TMPO: variants seen among roughly 807,000 people sequenced by gnomAD.
TMPO encodes LEM domain containing 4.
A neutral mutation model predicts 45.4 loss-of-function variants in TMPO; 22 were observed. The observed-to-expected ratio is 0.48, with a 90% CI of 0.35 to 0.69. The LOEUF (loss-of-function observed/expected upper bound fraction) is 0.69, where lower values mean the gene tolerates loss of function less well. TMPO is among the 30% of genes least tolerant of loss of function. The pLI is 0.01. For missense variants in TMPO, 512 were observed against 548.8 expected, an observed-to-expected ratio of 0.93 and a Z score of 0.67; for synonymous variants, 241 against 204.1, an observed-to-expected ratio of 1.18 and a Z score of -1.54.
In TMPO at chr12:98,516,035, C is replaced by T; in HGVS notation, c.168C>T (p.Gly56=). 1.9e-6 allele frequency: 3 copies of T among 1,611,614 alleles called. No homozygotes were observed. The highest frequency in any genetic ancestry group is 2.5e-6 in the Non-Finnish European group (3 of 1,179,568). ...TARNRPPLPA[G]TNSKGPPDFS... ...GCAACCGGCCGCCGCTCCCCGCCGG[C>T]ACCAACAGCAAGGGGCCCCCGGACT... is the stretch of plus-strand genomic sequence containing the variant. Residue 56 remains glycine (G), a synonymous_variant, in exon 1 of 9, where the codon GGC becomes GGT. Coordinates refer to ENST00000556029, the MANE Select transcript of TMPO (RefSeq NM_001032283.3).
At chr12:98,521,170 T>C (rs1246737865) in intron 1 of TMPO, among the ~76,000 whole-genome samples, 1 of 142,616 alleles carries the variant, frequency 7.0e-6, no homozygotes, top group East Asian at 2.2e-4. Context: ...TGCAGTGGCG[T>C]GATCTCCACT....
chr12:98,533,099 A>T (rs907743542), intron 3 of TMPO: 2 of 1,614,002 alleles, frequency 1.2e-6, no homozygotes, highest in Non-Finnish European at 8.5e-7. Context: ...ATTTCATGCA[A>T]GTCTAGCCAT....
chr12:98,515,695 C>T lies in TMPO; in HGVS notation c.-173C>T, dbSNP rs1373345388. On this transcript the variant is annotated 5_prime_UTR_variant, in exon 1 of 9. Transcript: ENST00000556029. ...AGTTCGGCTCTGGGGTCTTTTGTGT[C>T]CGGGTCTGGCTTGGCTTTGTGTCCG... 1 of 1,404,286 alleles carries T rather than the reference C, an allele frequency of 7.1e-7. No individual in the cohort carries two copies. The highest frequency in any genetic ancestry group is 1.4e-5 in the African/African-American group (1 of 69,310). 87.0% of individuals were successfully genotyped at this position (1,404,286 alleles called of 1,614,324 possible).
rs1877473337 is a variant in TMPO, at chr12:98,534,833, C to G, written c.566-2642C>G. ...TTTTTGCTCATATTTTCTTACTTTTCTTTGTTATTTATTCATGTCTGCAAC... is the reference window on the plus strand; with the variant it reads ...TTTTTGCTCATATTTTCTTACTTTTGTTTGTTATTTATTCATGTCTGCAAC... On this transcript the variant is annotated intron_variant, in intron 3 of 8. Transcript: ENST00000556029. 4 of 1,002,848 alleles carry G rather than the reference C, an allele frequency of 4.0e-6. No individual in the cohort carries two copies. The African/African-American group carries it at 7.0e-5, about 18-fold the overall frequency. 62.1% of individuals were successfully genotyped at this position (1,002,848 alleles called of 1,614,324 possible). A position where few individuals can be genotyped will look rare whatever the true frequency, so the allele number is the denominator to read the frequency against.
At chr12:98,537,354 C>T (rs1462852259) in intron 3 of TMPO, 121 bp from the exon 4 acceptor site, 3 of 742,666 alleles carry the variant, frequency 4.0e-6, no homozygotes, top group African/African-American at 3.5e-5. Context: ...GAGGTATTAC[C>T]AGTAGACTTG....
At chr12:98,545,738 CTT>C (rs796569361) in intron 7 of TMPO, among the ~76,000 whole-genome samples, 2 of 146,536 alleles carry the variant, frequency 1.4e-5, no homozygotes. Context: ...AAACAGTATA[CTT>C]TTTTTTTTTT....
chr12:98,518,158 A>G (rs1482110515), intron 1 of TMPO, among the ~76,000 whole-genome samples: 1 of 152,170 alleles, frequency 6.6e-6, no homozygotes, highest in East Asian at 1.9e-4. Context: ...AAAAAAAAAA[A>G]AAAAAAAGTT....
rs756313059 is a variant in TMPO, at chr12:98,537,023, T to A, written c.566-452T>A. Among the ~76,000 whole-genome samples the A allele has an allele frequency of 4.6e-5, 7 of 152,342 alleles. No individual in the cohort carries two copies. In the South Asian group the frequency reaches 6.2e-4, roughly 14 times the overall value. ...ATATGGATTTTTTTCATTTTTAAAC[T>A]TTCCCTTCTATGTTCCAAATTTTAA... On this transcript the variant is annotated intron_variant, in intron 3 of 8. Transcript: ENST00000556029.
chr12:98,520,741 C>T (rs977429317), intron 1 of TMPO, among the ~76,000 whole-genome samples: 1 of 151,614 alleles, frequency 6.6e-6, no homozygotes, highest in African/African-American at 2.4e-5. Flanking sequence ...CCCGCCACCA[C>T]GCCTGGCTAA....
chr12:98,534,563 T>C, intron 3 of TMPO: 1 of 1,335,306 alleles, frequency 7.5e-7, no homozygotes, highest in Non-Finnish European at 9.6e-7. Context: ...ATTTAACGCT[T>C]TCTAGATCAC....
chr12:98,537,619 T>C (rs1877651453), intron 4 of TMPO, 47 bp downstream of exon 4: 1 of 1,372,842 alleles, frequency 7.3e-7, no homozygotes, highest in African/African-American at 1.4e-5. Flanking sequence ...AATAACCTCC[T>C]GACAACACTA....
In TMPO at chr12:98,516,154, C is replaced by T; in HGVS notation, c.279+8C>T. ...CGAGCAGCCGTCGGCAGGGTAAGGACGCGGGGCCGGGGCTACAAAGGCGGG... is the reference window on the plus strand; with the variant it reads ...CGAGCAGCCGTCGGCAGGGTAAGGATGCGGGGCCGGGGCTACAAAGGCGGG... On this transcript the variant is annotated splice_region_variant and intron_variant, in intron 1 of 8. Transcript: ENST00000556029. 1 of 1,399,040 alleles carries T rather than the reference C, an allele frequency of 7.1e-7. No individual in the cohort carries two copies. The highest frequency in any genetic ancestry group is 1.6e-5 in the South Asian group (1 of 63,398). The allele number at this position is 1,399,040 out of a possible 1,614,324, so 86.7% of individuals were successfully genotyped here. A position where few individuals can be genotyped will look rare whatever the true frequency, so the allele number is the denominator to read the frequency against.
At chr12:98,519,042 C>T (rs1241194428) in intron 1 of TMPO, among the ~76,000 whole-genome samples, 2 of 151,934 alleles carry the variant, frequency 1.3e-5, no homozygotes, top group Non-Finnish European at 2.9e-5. Flanking sequence ...CCACCACCCC[C>T]CAGCTAATTT....
Position 98,534,342 on chromosome 12 carries a change from G to A in TMPO, c.565+2504G>A, listed in dbSNP as rs145677259. 1.1e-4 allele frequency: 181 copies of A among 1,611,378 alleles called. No homozygotes were observed. Among genetic ancestry groups the A allele is most frequent in the Non-Finnish European group, 1.5e-4 (179 of 1,179,800 alleles). On this transcript the variant is annotated intron_variant, in intron 3 of 8. Coordinates refer to ENST00000556029, the MANE Select transcript of TMPO (RefSeq NM_001032283.3). ...TTAAAAAGCGTGGAAATAAACACTA[G>A]TAAAATTAAGGACAAAAAGACATCT...
chr12:98,535,755 AGTG>A, intron 3 of TMPO: 1 of 721,192 alleles, frequency 1.4e-6, no homozygotes, highest in Non-Finnish European at 1.7e-6. Flanking sequence ...TTGACATTTC[AGTG>A]GTATAATTGA....
In TMPO at chr12:98,547,097, A is replaced by G. The variant is rs144945836; in HGVS notation, c.1080-476A>G. On this transcript the variant is annotated intron_variant, in intron 8 of 8. Transcript: ENST00000556029. ...ATCGAACTTTTTTTTTTTTTTTGAG[A>G]CGGAGTTTTGCTCTGTTGCCCAGGC... Among the ~76,000 whole-genome samples, 8 of 133,670 alleles carry G rather than the reference A, an allele frequency of 6.0e-5. No homozygotes were observed. In the East Asian group the frequency reaches 1.6e-3, roughly 27 times the overall value. 87.7% of individuals were successfully genotyped at this position (133,670 alleles called of 152,430 possible). A position where few individuals can be genotyped will look rare whatever the true frequency, so the allele number is the denominator to read the frequency against.
In TMPO at chr12:98,549,437, C is replaced by T. The variant is rs1461152416; in HGVS notation, c.*1579C>T. ...TCAGCTTCCCAAAGTGCTGGGATTA[C>T]AGGTGTGATCCACTGCACCCGGCCG... On this transcript the variant is annotated 3_prime_UTR_variant, in exon 9 of 9. Coordinates refer to ENST00000556029, the MANE Select transcript of TMPO (RefSeq NM_001032283.3). 3 of 113,536 alleles carry T rather than the reference C, an allele frequency of 2.6e-5. No homozygotes were observed. The highest frequency in any genetic ancestry group is 8.6e-5 in the Admixed American group (1 of 11,578). The allele number at this position is 113,536 out of a possible 1,614,324, so 7.0% of individuals were successfully genotyped here. A position where few individuals can be genotyped will look rare whatever the true frequency, so the allele number is the denominator to read the frequency against.
rs1283860413 is a variant in TMPO, at chr12:98,549,661, G to C, written c.*1803G>C. On this transcript the variant is annotated 3_prime_UTR_variant, in exon 9 of 9. Transcript: ENST00000556029. ...ATTGACCATAAAGCACACTAAAAATGTAAGTTATTTTTAAATACATCTGAA... is the reference window on the plus strand; with the variant it reads ...ATTGACCATAAAGCACACTAAAAATCTAAGTTATTTTTAAATACATCTGAA... The C allele has an allele frequency of 1.3e-5, 2 of 152,170 alleles. No individual in the cohort carries two copies. Among genetic ancestry groups the C allele is most frequent in the Admixed American group, 6.5e-5 (1 of 15,272 alleles). The allele number at this position is 152,170 out of a possible 1,614,324, so 9.4% of individuals were successfully genotyped here.
intron 1 of TMPO, among the ~76,000 whole-genome samples, chr12:98,527,335 C>CAAAAAAA (rs374742173): frequency 1.1e-5 from 1 of 93,568 alleles, no homozygotes; most frequent in African/African-American, 4.0e-5. Flanking sequence ...CCCATCTCTA[C>CAAAAAAA]AAAAAAAAAA....
Sources: gnomAD v4.1 joint callset for allele counts (sites outside exome capture counted in the v4.1 genomes callset) on GRCh38, gnomAD v4.1.1 for gene constraint, MANE v1.5 for transcripts, NCBI Gene and HGNC (gene_info 2026-07-23, HGNC 2026-07-21) for gene names.